DNAJC27: variants seen among roughly 807,000 people sequenced by gnomAD.
DNAJC27 encodes DnaJ heat shock protein family (Hsp40) member C27.
DNAJC27 carries 25 observed loss-of-function variants against 31.4 expected under a neutral mutation model. That is an observed-to-expected ratio of 0.80 (90% CI 0.58 to 1.11). The LOEUF (loss-of-function observed/expected upper bound fraction) is 1.11. DNAJC27 is among the 50% of genes most tolerant of loss of function. The pLI is 0.00. For missense variants in DNAJC27, 356 were observed against 347.3 expected, an observed-to-expected ratio of 1.02 and a Z score of -0.20; for synonymous variants, 106 against 112.7, an observed-to-expected ratio of 0.94 and a Z score of 0.37.
chr2:24,947,782 A>G, intron 6 of DNAJC27, 34 bp from the exon 7 acceptor site: 1 of 1,598,908 alleles, frequency 6.3e-7, no homozygotes, highest in South Asian at 1.1e-5. Flanking sequence ...TGTTAGTAAC[A>G]GAGTCAGCCC....
At chr2:24,971,757 A>C in intron 1 of DNAJC27, 61 bp downstream of exon 1, 1 of 1,466,228 alleles carries the variant, frequency 6.8e-7, no homozygotes, top group South Asian at 1.3e-5. Context: ...CCGCCCTTCC[A>C]GCCAATGGAC....
rs1665597493 is a variant in DNAJC27 at position 24,944,359 on chromosome 2, T to C, written c.*3257A>G. 2 of 152,324 alleles carry C rather than the reference T, an allele frequency of 1.3e-5. No homozygotes were observed. Among genetic ancestry groups the C allele is most frequent in the Admixed American group, 6.5e-5 (1 of 15,270 alleles). 9.4% of individuals were successfully genotyped at this position (152,324 alleles called of 1,614,324 possible). ...TTCAATGGGGCACAGCTCCTTTTTT[T>C]TTTTTTTCTTTTTTTTAAAAAACTG... On this transcript the variant is annotated 3_prime_UTR_variant, in exon 7 of 7. Transcript: ENST00000264711.
intron 5 of DNAJC27, chr2:24,953,594 T>C: frequency 2.2e-6 from 1 of 459,530 alleles, no homozygotes; most frequent in Non-Finnish European, 2.9e-6. Context: ...CTTTTTTTTT[T>C]TAAACAGACT....
intron 2 of DNAJC27, among the ~76,000 whole-genome samples, chr2:24,965,563 T>A (rs1041552483): frequency 1.3e-5 from 2 of 152,194 alleles, no homozygotes; most frequent in African/African-American, 4.8e-5. Context: ...GCCAGAAATG[T>A]GAATTTCAAA....
intron 3 of DNAJC27, 69 bp downstream of exon 3, chr2:24,963,336 A>G (rs1308434321): frequency 5.4e-6 from 7 of 1,286,318 alleles, no homozygotes; most frequent in Non-Finnish European, 5.6e-6. Flanking sequence ...GTTGTTTCAT[A>G]TAATTCTGGA....
At chr2:24,969,978 C>A (rs1468780706) in intron 1 of DNAJC27, among the ~76,000 whole-genome samples, 1 of 152,088 alleles carries the variant, frequency 6.6e-6, no homozygotes, top group African/African-American at 2.4e-5. Context: ...CACATCTGTA[C>A]AATATTGTGT....
chr2:24,952,206 G>A (rs568422831), intron 5 of DNAJC27, among the ~76,000 whole-genome samples: 1 of 152,122 alleles, frequency 6.6e-6, no homozygotes, highest in African/African-American at 2.4e-5. Context: ...TGAAAACTGT[G>A]TCTCTCTACT....
chr2:24,954,636 C>T (rs1318745697), intron 5 of DNAJC27, among the ~76,000 whole-genome samples: 1 of 152,220 alleles, frequency 6.6e-6, no homozygotes, highest in Non-Finnish European at 1.5e-5. Flanking sequence ...AAACATTCTT[C>T]AATCAAGAAT....
rs536244920 is a variant in DNAJC27, at chr2:24,947,816, G to A, written c.690-68C>T. 17 of 1,539,010 alleles carry A rather than the reference G, an allele frequency of 1.1e-5. No individual in the cohort carries two copies. In the East Asian group the frequency reaches 3.9e-4, roughly 35 times the overall value. On this transcript the variant is annotated intron_variant, in intron 6 of 6. Coordinates refer to ENST00000264711, the MANE Select transcript of DNAJC27 (RefSeq NM_016544.3). The stretch of plus-strand genomic sequence containing the variant: ...CCAACCCACTGCATGTTAGCTGTTT[G>A]GACACACATAGTATCTCTTACAGTG...
Position 24,967,220 on chromosome 2 carries a change from C to A in DNAJC27, c.161G>T (p.Gly54Val). Residue 54 changes from glycine (G) to valine (V), a missense_variant, in exon 2 of 7, where the codon GGA becomes GTA. By Grantham distance (109) the Gly-to-Val change is moderately radical. Transcript: ENST00000264711. ...GAAACAATATACTTACTTTGTGACT[C>A]CATAGTCAATTCCAATTGTTGCCAG... ...KYLATIGIDY[G>V]VTKVHVRDRE... The A allele has an allele frequency of 6.2e-7, 1 of 1,612,804 alleles. No homozygotes were observed. Among genetic ancestry groups the A allele is most frequent in the Non-Finnish European group, 8.5e-7 (1 of 1,178,878 alleles).
At chr2:24,947,885 G>T (rs2149119540) in intron 6 of DNAJC27, 137 bp from the exon 7 acceptor site, 2 of 1,029,690 alleles carry the variant, frequency 1.9e-6, no homozygotes, top group Non-Finnish European at 1.3e-6. Flanking sequence ...CAGGATTAAA[G>T]GACTAGAAAA....
chr2:24,968,401 TA>T (rs1666241301), intron 1 of DNAJC27, among the ~76,000 whole-genome samples: 1 of 152,162 alleles, frequency 6.6e-6, no homozygotes, highest in African/African-American at 2.4e-5. Context: ...CCAAATCCTT[TA>T]AAATGAGTAT....
chr2:24,964,650 T>C (rs764750829), intron 2 of DNAJC27, among the ~76,000 whole-genome samples: 4 of 152,294 alleles, frequency 2.6e-5, no homozygotes, highest in African/African-American at 9.6e-5. Flanking sequence ...TTAAGTTGGT[T>C]TGAAATAGGT....
At chr2:24,967,768 T>G (rs989416299) in intron 1 of DNAJC27, among the ~76,000 whole-genome samples, 1 of 151,874 alleles carries the variant, frequency 6.6e-6, no homozygotes, top group Non-Finnish European at 1.5e-5. Context: ...AGAAAAATTA[T>G]TTTTAAATTC....
chr2:24,954,161 G>A (rs1358009262), intron 5 of DNAJC27, among the ~76,000 whole-genome samples: 1 of 152,110 alleles, frequency 6.6e-6, no homozygotes, highest in Middle Eastern at 3.2e-3. Context: ...TCCATATGGG[G>A]GTCTCTCATG....
intron 3 of DNAJC27, among the ~76,000 whole-genome samples, chr2:24,961,375 G>T (rs1666036813): frequency 6.6e-6 from 1 of 152,152 alleles, no homozygotes; most frequent in African/African-American, 2.4e-5. Flanking sequence ...AATACGAAGA[G>T]ATTAAAGCTG....
At chr2:24,951,628 A>G in intron 5 of DNAJC27, 74 bp from the exon 6 acceptor site, 1 of 1,348,294 alleles carries the variant, frequency 7.4e-7, no homozygotes, top group Non-Finnish European at 1.0e-6. Flanking sequence ...CATCAACTTA[A>G]AAGACTTTTA....
chr2:24,968,699 G>A (rs1666250391), intron 1 of DNAJC27, among the ~76,000 whole-genome samples: 1 of 152,010 alleles, frequency 6.6e-6, no homozygotes, highest in Admixed American at 6.6e-5. Context: ...TCAAATAGTA[G>A]ACAGTTGTTA....
At chr2:24,971,720 G>A (rs1666344768) in intron 1 of DNAJC27, 98 bp downstream of exon 1, 1 of 1,066,048 alleles carries the variant, frequency 9.4e-7, no homozygotes, top group South Asian at 1.6e-5. Context: ...GGGCGGAGAG[G>A]AGGCCGGGCC....
Sources: allele counts gnomAD v4.1 joint callset (sites outside exome capture counted in the v4.1 genomes callset), GRCh38; gene constraint gnomAD v4.1.1; transcripts MANE v1.5; gene names NCBI Gene and HGNC (gene_info 2026-07-23, HGNC 2026-07-21).